The following SLC38A12 variants were observed in gnomAD, a reference collection of about 807,000 sequenced individuals.
SLC38A12 encodes the protein putative sodium-coupled neutral amino acid transporter 12.
chr17:74,832,000 T>C, the SLC38A12 span, among the ~76,000 whole-genome samples: 4 of 152,294 alleles, frequency 2.6e-5, no homozygotes, highest in East Asian at 7.7e-4. Flanking sequence ...CTCCCAGGGA[T>C]GTGGCGATCA....
At chr17:74,788,414 G>A in the SLC38A12 span, among the ~76,000 whole-genome samples, 3 of 152,150 alleles carry the variant, frequency 2.0e-5, no homozygotes, top group African/African-American at 4.8e-5. Context: ...AGGCTGGGGG[G>A]CCCTTTGTGA....
At chr17:74,827,174 G>A in the SLC38A12 span, among the ~76,000 whole-genome samples, 572 of 152,156 alleles carry the variant, frequency 3.8e-3, 6 homozygotes, top group African/African-American at 0.013. The surrounding 1 kb of genome is among the most constrained non-coding windows in gnomAD (Gnocchi z 4.7). Flanking sequence ...TTCAGCAGGG[G>A]CAATGGGTTT....
chr17:74,803,362 C>T, the SLC38A12 span, among the ~76,000 whole-genome samples: 4 of 152,030 alleles, frequency 2.6e-5, no homozygotes, highest in Admixed American at 2.0e-4. Flanking sequence ...CAGTAACCAG[C>T]GATTCCCCTT....
the SLC38A12 span, chr17:74,777,257 T>A: frequency 1.3e-6 from 2 of 1,577,964 alleles, no homozygotes; most frequent in Middle Eastern, 1.9e-4. Flanking sequence ...TGCTCTTTTG[T>A]TTTAAGGAGC....
At chr17:74,838,036 G>T in the SLC38A12 span, 1 of 985,868 alleles carries the variant, frequency 1.0e-6, no homozygotes. Context: ...CTGACAGAGC[G>T]ACGATGTAGG....
At chr17:74,839,016 C>A in the SLC38A12 span, 12 of 1,535,622 alleles carry the variant, frequency 7.8e-6, no homozygotes, top group Non-Finnish European at 9.6e-6. Context: ...ACCTGCATGG[C>A]CCCAGATGCC....
the SLC38A12 span, among the ~76,000 whole-genome samples, chr17:74,826,534 A>C: frequency 6.6e-6 from 1 of 152,242 alleles, no homozygotes; most frequent in Non-Finnish European, 1.5e-5. Flanking sequence ...ACCCAAGTGC[A>C]TGGTGGGTGA....
chr17:74,786,855 C>T, the SLC38A12 span, among the ~76,000 whole-genome samples: 2 of 152,170 alleles, frequency 1.3e-5, no homozygotes, highest in Non-Finnish European at 2.9e-5. Flanking sequence ...CCTTACATGA[C>T]TCCGCTGTCC....
the SLC38A12 span, among the ~76,000 whole-genome samples, chr17:74,816,014 C>T: frequency 4.7e-4 from 71 of 152,304 alleles, no homozygotes; most frequent in African/African-American, 1.6e-3. Context: ...CCCACATCTT[C>T]GAGTCACTGA....
chr17:74,837,967 C>T, the SLC38A12 span: 1 of 985,668 alleles, frequency 1.0e-6, no homozygotes, highest in African/African-American at 1.7e-5. Flanking sequence ...CCACCCCTCC[C>T]TCTTTTGAGT....
chr17:74,823,426 G>T, the SLC38A12 span, among the ~76,000 whole-genome samples: 3 of 152,232 alleles, frequency 2.0e-5, no homozygotes, highest in Non-Finnish European at 4.4e-5. Flanking sequence ...CCTCTGCTCT[G>T]CCCTCATTCC....
chr17:74,838,279 A>G, the SLC38A12 span: 9 of 985,672 alleles, frequency 9.1e-6, no homozygotes, highest in East Asian at 2.3e-4. Context: ...TTCTCCATCT[A>G]TCATTGCGAC....
chr17:74,837,576 C>T, the SLC38A12 span: 1 of 985,384 alleles, frequency 1.0e-6, no homozygotes, highest in Non-Finnish European at 1.2e-6. Context: ...GGTTCCCACC[C>T]TGACAATGGT....
At chr17:74,784,162 A>G in the SLC38A12 span, among the ~76,000 whole-genome samples, 1 of 152,222 alleles carries the variant, frequency 6.6e-6, no homozygotes, top group Non-Finnish European at 1.5e-5. Flanking sequence ...GCATCTTTCT[A>G]AGAACAGGAG....
chr17:74,813,134 C>T, the SLC38A12 span, among the ~76,000 whole-genome samples: 5 of 152,342 alleles, frequency 3.3e-5, no homozygotes, highest in Admixed American at 1.3e-4. Flanking sequence ...CAGTTCCAAG[C>T]CTTCTTGCCA....
At chr17:74,790,963 T>C in the SLC38A12 span, 1 of 1,614,048 alleles carries the variant, frequency 6.2e-7, no homozygotes, top group Non-Finnish European at 8.5e-7. Flanking sequence ...CAGAGAGACG[T>C]GGATCTCCCA....
chr17:74,784,250 A>T, the SLC38A12 span, among the ~76,000 whole-genome samples: 2 of 152,224 alleles, frequency 1.3e-5, no homozygotes, highest in Non-Finnish European at 2.9e-5. Context: ...GTGGTAAAGC[A>T]TACGGTATGT....
the SLC38A12 span, chr17:74,790,147 T>C: frequency 6.8e-7 from 1 of 1,472,582 alleles, no homozygotes. Flanking sequence ...GATGTGCTCC[T>C]TTCTTTTCCC....
chr17:74,786,596 G>A, the SLC38A12 span, among the ~76,000 whole-genome samples: 4 of 152,184 alleles, frequency 2.6e-5, no homozygotes, highest in Non-Finnish European at 5.9e-5. Flanking sequence ...GCTGAAGCAG[G>A]GTCAGGGAGG....
Sources: gnomAD v4.1 joint callset for allele counts (sites outside exome capture counted in the v4.1 genomes callset) on GRCh38, gnomAD v4.1.1 for gene constraint, Gnocchi (gnomAD v3.1) non-coding constraint, MANE v1.5 for transcripts, NCBI Gene and HGNC (gene_info 2026-07-23, HGNC 2026-07-21) for gene names.